The following CDH12 variants were observed in gnomAD, a reference collection of about 807,000 sequenced individuals.
CDH12 encodes cadherin 12.
In CDH12, 41 loss-of-function variants were observed where a neutral mutation model predicts 74.1. The ratio of observed to expected loss-of-function variants is 0.55; its 90% confidence interval spans 0.43 to 0.72. The LOEUF (loss-of-function observed/expected upper bound fraction) is 0.72, where lower values mean the gene tolerates loss of function less well. Among genes scored for constraint, CDH12 ranks in the 30% least tolerant of loss-of-function variants. The pLI, the probability that CDH12 is intolerant of heterozygous loss-of-function variation, is 0.00. For synonymous variants in CDH12, 399 were observed against 355.0 expected (o/e 1.12, Z -1.39); for missense variants, 945 against 977.2 (o/e 0.97, Z 0.44).
intron 11 of CDH12, among the ~76,000 whole-genome samples, chr5:21,781,956 A>C (rs1170876199): frequency 6.6e-6 from 1 of 152,180 alleles, no homozygotes; most frequent in East Asian, 1.9e-4. Flanking sequence ...AATATTGTAA[A>C]ATTGTGACAA....
intron 4 of CDH12, among the ~76,000 whole-genome samples, chr5:22,096,177 T>G (rs1743768799): frequency 6.6e-6 from 1 of 152,070 alleles, no homozygotes; most frequent in Non-Finnish European, 1.5e-5. Context: ...AAAACCTAAA[T>G]GCCTTATTTT....
intron 4 of CDH12, among the ~76,000 whole-genome samples, chr5:22,193,279 G>A (rs1750412003): frequency 2.6e-5 from 4 of 152,172 alleles, no homozygotes; most frequent in Admixed American, 1.3e-4. Context: ...GTTTCTAGGA[G>A]TAAACATGTT....
chr5:21,956,570 A>T (rs1212879816), intron 6 of CDH12, among the ~76,000 whole-genome samples: 1 of 151,948 alleles, frequency 6.6e-6, no homozygotes, highest in Non-Finnish European at 1.5e-5. Context: ...TATTGCTTGT[A>T]AAAGGTATTT....
intron 4 of CDH12, among the ~76,000 whole-genome samples, chr5:22,109,792 A>G (rs992146917): frequency 7.9e-5 from 12 of 152,194 alleles, no homozygotes; most frequent in Admixed American, 5.9e-4. Flanking sequence ...CTGTCCTCAT[A>G]GAGTCCCAGC....
At chr5:22,745,426 C>G (rs1012550124) in intron 1 of CDH12, among the ~76,000 whole-genome samples, 13 of 152,076 alleles carry the variant, frequency 8.5e-5, no homozygotes, top group Non-Finnish European at 7.4e-5. Context: ...GGTATATACA[C>G]AGAGGAATAT....
chr5:22,640,065 A>G (rs1739066350), intron 1 of CDH12, among the ~76,000 whole-genome samples: 1 of 152,220 alleles, frequency 6.6e-6, no homozygotes, highest in Non-Finnish European at 1.5e-5. Context: ...CAATAAAGAA[A>G]GTGGTAACAA....
At chr5:22,108,722 C>T (rs1172902559) in intron 4 of CDH12, among the ~76,000 whole-genome samples, 2 of 152,130 alleles carry the variant, frequency 1.3e-5, no homozygotes, top group Non-Finnish European at 2.9e-5. Context: ...GATTTTATTG[C>T]TGTGGAAATT....
chr5:21,901,089 G>C (rs1177880276), intron 6 of CDH12, among the ~76,000 whole-genome samples: 1 of 152,096 alleles, frequency 6.6e-6, no homozygotes, highest in Non-Finnish European at 1.5e-5. Flanking sequence ...TATTTCTTCA[G>C]GGTTTTCTCT....
At chr5:21,947,073 A>G (rs1450758017) in intron 6 of CDH12, among the ~76,000 whole-genome samples, 1 of 152,192 alleles carries the variant, frequency 6.6e-6, no homozygotes, top group African/African-American at 2.4e-5. Flanking sequence ...CTTGTGAAGA[A>G]GCCAACTGCT....
At chr5:22,297,996 G>A (rs1313104348) in intron 3 of CDH12, among the ~76,000 whole-genome samples, 1 of 151,554 alleles carries the variant, frequency 6.6e-6, no homozygotes, top group Non-Finnish European at 1.5e-5. Flanking sequence ...ATTTATAAAT[G>A]CCAGCTATTG....
intron 1 of CDH12, among the ~76,000 whole-genome samples, chr5:22,518,885 A>G (rs1301716166): frequency 6.6e-6 from 1 of 152,058 alleles, no homozygotes; most frequent in Non-Finnish European, 1.5e-5. Flanking sequence ...GCCCGTTGGT[A>G]TTACTGTGCA....
intron 3 of CDH12, among the ~76,000 whole-genome samples, chr5:22,265,445 G>C (rs1753670003): frequency 6.6e-6 from 1 of 152,092 alleles, no homozygotes; most frequent in Non-Finnish European, 1.5e-5. Flanking sequence ...TAACTACTAG[G>C]CTTGTTACTA....
intron 1 of CDH12, among the ~76,000 whole-genome samples, chr5:22,684,024 C>T (rs1454565604): frequency 2.0e-5 from 3 of 152,226 alleles, no homozygotes; most frequent in Non-Finnish European, 4.4e-5. Context: ...GACAATGTTA[C>T]AGACCTCAAA....
At chr5:21,863,778 C>T (rs910744178) in intron 6 of CDH12, among the ~76,000 whole-genome samples, 1 of 152,032 alleles carries the variant, frequency 6.6e-6, no homozygotes, top group African/African-American at 2.4e-5. Context: ...AAGACTTAGC[C>T]AATTTATGGA....
chr5:22,275,366 A>T (rs1021841707), intron 3 of CDH12, among the ~76,000 whole-genome samples: 5 of 152,216 alleles, frequency 3.3e-5, no homozygotes, highest in African/African-American at 1.2e-4. Context: ...TTATTCCTTG[A>T]ATAACATTAC....
At chr5:22,845,246 A>G (rs1737249352) in intron 1 of CDH12, among the ~76,000 whole-genome samples, 1 of 152,138 alleles carries the variant, frequency 6.6e-6, no homozygotes, top group Non-Finnish European at 1.5e-5. Context: ...TCTGTACCAA[A>G]TCCTAACACT....
intron 1 of CDH12, among the ~76,000 whole-genome samples, chr5:22,806,919 A>G (rs1296523744): frequency 1.3e-5 from 2 of 152,236 alleles, no homozygotes; most frequent in Non-Finnish European, 1.5e-5. Flanking sequence ...CCATTCTGTA[A>G]GTTGCCTAGT....
At chr5:22,012,479 T>C (rs1293293663) in intron 5 of CDH12, among the ~76,000 whole-genome samples, 1 of 152,152 alleles carries the variant, frequency 6.6e-6, no homozygotes, top group African/African-American at 2.4e-5. Flanking sequence ...TTTCTTCTAT[T>C]TTTAAGAGTG....
chr5:22,538,437 C>G (rs1007368830), intron 1 of CDH12, among the ~76,000 whole-genome samples: 1 of 152,224 alleles, frequency 6.6e-6, no homozygotes, highest in African/African-American at 2.4e-5. Context: ...TGATATCTTA[C>G]AGCAGATAAT....
Sources: allele counts gnomAD v4.1 joint callset (sites outside exome capture counted in the v4.1 genomes callset), GRCh38; gene constraint gnomAD v4.1.1; transcripts MANE v1.5; gene names NCBI Gene and HGNC (gene_info 2026-07-23, HGNC 2026-07-21).